The following SPATA13 variants were observed in gnomAD, a reference collection of about 807,000 sequenced individuals.
The protein encoded by SPATA13 is spermatogenesis associated 13.
A neutral mutation model predicts 104.0 loss-of-function variants in SPATA13; 50 were observed. The observed-to-expected ratio is 0.48, with a 90% confidence interval of 0.38 to 0.61. The LOEUF (loss-of-function observed/expected upper bound fraction) is 0.61, where lower values mean the gene tolerates loss of function less well. Among genes scored for constraint, SPATA13 ranks in the 20% least tolerant of loss-of-function variants. The pLI is 0.00. For synonymous variants in SPATA13, 606 were observed against 667.5 expected (o/e 0.91, Z 1.42); for missense variants, 1,524 against 1,690.6 (o/e 0.90, Z 1.73).
chr13:24,231,933 C>T (rs1412084457), intron 2 of SPATA13, among the ~76,000 whole-genome samples: 1 of 152,196 alleles, frequency 6.6e-6, no homozygotes, highest in Non-Finnish European at 1.5e-5. Flanking sequence ...AGATCTTTTG[C>T]TCATCATTTC....
intron 2 of SPATA13, among the ~76,000 whole-genome samples, chr13:23,984,344 A>G (rs2137650117): frequency 6.6e-6 from 1 of 152,296 alleles, no homozygotes; most frequent in Non-Finnish European, 1.5e-5. Flanking sequence ...AACTTCCTTC[A>G]TTACTTTATA....
chr13:24,055,699 A>G (rs1276737743), intron 3 of SPATA13, among the ~76,000 whole-genome samples: 1 of 152,202 alleles, frequency 6.6e-6, no homozygotes, highest in Admixed American at 6.5e-5. Context: ...TGGCTAAGCC[A>G]CCCACTTTCC....
chr13:24,185,893 G>A (rs532078276), intron 1 of SPATA13, among the ~76,000 whole-genome samples: 134 of 152,202 alleles, frequency 8.8e-4, no homozygotes, highest in African/African-American at 2.8e-3. Context: ...AGCAGGGTAG[G>A]TCAGTAGGCT....
intron 2 of SPATA13, among the ~76,000 whole-genome samples, chr13:23,988,895 T>C (rs1018586022): frequency 3.3e-5 from 5 of 152,180 alleles, no homozygotes; most frequent in Non-Finnish European, 7.3e-5. Context: ...GCATCCCTAG[T>C]GTGCAGCCTG....
At chr13:24,091,261 G>A (rs930796186) in intron 3 of SPATA13, among the ~76,000 whole-genome samples, 9 of 152,202 alleles carry the variant, frequency 5.9e-5, no homozygotes, top group Middle Eastern at 3.2e-3. Context: ...ACACACAGCC[G>A]TGCACATGGG....
chr13:24,104,236 T>TG (rs1334565452), intron 3 of SPATA13, among the ~76,000 whole-genome samples: 1 of 146,940 alleles, frequency 6.8e-6, no homozygotes, highest in East Asian at 1.9e-4. Context: ...AAAGCTAGAA[T>TG]GGGTTTTTTT....
chr13:24,001,706 A>G (rs17079728), intron 2 of SPATA13, among the ~76,000 whole-genome samples: 58,529 of 151,498 alleles, frequency 0.39, 11,385 homozygotes, highest in East Asian at 0.46. Context: ...GGGATGTTCA[A>G]TGATGGCCGT....
At chr13:23,998,663 T>C (rs991897170) in intron 2 of SPATA13, among the ~76,000 whole-genome samples, 1 of 152,222 alleles carries the variant, frequency 6.6e-6, no homozygotes, top group Admixed American at 6.5e-5. Context: ...ATGGTTACAA[T>C]GTTTTTCTTC....
At chr13:24,071,403 A>C (rs1879158871) in intron 3 of SPATA13, among the ~76,000 whole-genome samples, 1 of 152,238 alleles carries the variant, frequency 6.6e-6, no homozygotes, top group Non-Finnish European at 1.5e-5. Context: ...GGTGCAAGGC[A>C]TTAGAGTGAA....
At chr13:24,214,093 C>T (rs1048071642) in intron 1 of SPATA13, among the ~76,000 whole-genome samples, 1 of 152,248 alleles carries the variant, frequency 6.6e-6, no homozygotes, top group Non-Finnish European at 1.5e-5. Flanking sequence ...TCTGACTGAG[C>T]CTGGTGGCAC....
At chr13:24,055,661 C>G (rs755110206) in intron 3 of SPATA13, among the ~76,000 whole-genome samples, 5 of 152,244 alleles carry the variant, frequency 3.3e-5, no homozygotes, top group Non-Finnish European at 7.3e-5. Flanking sequence ...CTCTCAGGTG[C>G]TGTGGGACTT....
At chr13:24,201,428 C>T (rs1870397839) in intron 1 of SPATA13, among the ~76,000 whole-genome samples, 1 of 130,444 alleles carries the variant, frequency 7.7e-6, no homozygotes, top group South Asian at 3.0e-4. Flanking sequence ...AACTAAAGTC[C>T]ATGGTTGACA....
intron 3 of SPATA13, among the ~76,000 whole-genome samples, chr13:24,061,389 TCATTCTACC>T (rs1288626806): frequency 3.3e-5 from 5 of 152,204 alleles, no homozygotes; most frequent in Non-Finnish European, 5.9e-5. Context: ...GGAATATAAA[TCATTCTACC>T]ATAAAGCCAC....
At chr13:24,287,981 C>G (rs569342829) in intron 7 of SPATA13, among the ~76,000 whole-genome samples, 1 of 152,328 alleles carries the variant, frequency 6.6e-6, no homozygotes, top group South Asian at 2.1e-4. Flanking sequence ...GTTCTCTAAT[C>G]GGATTAGCCA....
At chr13:23,997,224 G>T (rs9507211) in intron 2 of SPATA13, among the ~76,000 whole-genome samples, 38,535 of 152,100 alleles carry the variant, frequency 0.25, 5,429 homozygotes, top group Non-Finnish European at 0.32. Flanking sequence ...GGTATAATGG[G>T]CATAGAATGC....
At position 24,268,372 on chromosome 13, in the gene SPATA13, A is replaced by G. The variant is rs192748112; in HGVS notation, c.2165-15763A>G. On this transcript the variant is annotated intron_variant, in intron 4 of 12. Transcript: ENST00000382108. ...AGGAGTCTTTTGAGCCTATAATTTA[A>G]TAAACTACCACCTTTATTGAGAATA... 2.1e-3 allele frequency among the ~76,000 whole-genome samples: 325 copies of G among 152,352 alleles called. 2 individuals are homozygous for G. The highest frequency in any genetic ancestry group is 7.5e-3 in the African/African-American group (311 of 41,578).
rs576070763 is a variant in SPATA13 at position 24,223,524 on chromosome 13, C to T, written c.595C>T (p.Arg199Cys). The stretch of plus-strand genomic sequence containing the variant: ...CGATGCCTTCCAGCGGAGCACACAC[C>T]GCTCCCGCAGCCTCCGCAGAGCCTA... ...TDDAFQRSTH[R>C]SRSLRRAYGL... Residue 199 changes from arginine to cysteine, a missense_variant, in exon 2 of 13, where the codon CGC becomes TGC. Physicochemically the swap from Arg to Cys is radical, Grantham distance 180. Around this residue, in one of 2 missense-constraint regions of SPATA13, gnomAD observed 1,089 missense variants for 1,135.9 expected, o/e 0.96. Coordinates refer to ENST00000382108, the MANE Select transcript of SPATA13 (RefSeq NM_001166271.3). 140 of 1,548,418 alleles carry T rather than the reference C, an allele frequency of 9.0e-5. No homozygotes were observed. The highest frequency in any genetic ancestry group is 1.1e-4 in the Non-Finnish European group (131 of 1,146,976).
At chr13:24,136,692 G>T (rs1038333280) in intron 3 of SPATA13, among the ~76,000 whole-genome samples, 1 of 152,202 alleles carries the variant, frequency 6.6e-6, no homozygotes, top group African/African-American at 2.4e-5. Context: ...ATTGGGCTCT[G>T]AGAGATAGGC....
intron 2 of SPATA13, among the ~76,000 whole-genome samples, chr13:23,996,416 C>T (rs35270570): frequency 0.76 from 114,973 of 151,806 alleles, 43,771 homozygotes; most frequent in Non-Finnish European, 0.8. Flanking sequence ...GGGCAAAAAA[C>T]GATCTGCAAA....
Sources: gnomAD v4.1 joint callset for allele counts (sites outside exome capture counted in the v4.1 genomes callset) on GRCh38, gnomAD v4.1.1 for gene constraint, gnomAD v4.1.1 regional missense constraint, MANE v1.5 for transcripts, NCBI Gene and HGNC (gene_info 2026-07-23, HGNC 2026-07-21) for gene names.